Variants in DCAF8L1 observed in about 807,000 individuals in gnomAD.
The protein encoded by DCAF8L1 is DDB1 and CUL4 associated factor 8 like 1.
For synonymous variants in DCAF8L1, 217 were observed against 186.8 expected (o/e 1.16, Z -1.32); for missense variants, 434 against 481.6 (o/e 0.90, Z 0.92).
At position 27,980,349 on chromosome X, in the gene DCAF8L1, C is replaced by G; in HGVS notation, c.986G>C (p.Arg329Thr). The G allele has an allele frequency of 8.3e-7, 1 of 1,211,990 alleles. No homozygotes were observed. The highest frequency in any genetic ancestry group is 1.8e-5 in the South Asian group (1 of 56,994). ...DRPASKVVVTRENDKKVGLYT... is the reference protein window; with the variant it reads ...DRPASKVVVTTENDKKVGLYT... ...CAGTCCGACTTTCTTATCATTTTCT[C>G]TTGTTACCACAACTTTTGAAGCTGG... The change falls in exon 1 of 1, where the codon AGA becomes ACA. Residue 329 changes from arginine to threonine, a missense_variant. Physicochemically the swap from Arg to Thr is moderately conservative, Grantham distance 71 (BLOSUM62 -1). Coordinates refer to ENST00000441525, the MANE Select transcript of DCAF8L1 (RefSeq NM_001017930.2).
At position 27,980,648 on chromosome X, in the gene DCAF8L1, C is replaced by T. The variant is rs1282958190; in HGVS notation, c.687G>A (p.Lys229=). ...GACCACTCTCAAAGTTCAGTACTGG[C>T]TTCTGCCGCACCCAGTCCCACACTA... ...RVIVWDWVRQ[K]PVLNFESGHD... Residue 229 remains lysine (K), a synonymous_variant, in exon 1 of 1, where the codon AAG becomes AAA. Coordinates refer to ENST00000441525, the MANE Select transcript of DCAF8L1 (RefSeq NM_001017930.2). The T allele has an allele frequency of 2.5e-6, 3 of 1,210,789 alleles. No individual in the cohort carries two copies. The African/African-American group carries it at 5.2e-5, about 21-fold the overall frequency.
chrX:27,979,446 A>G lies in DCAF8L1; in HGVS notation c.*86T>C. ...CAGAAGACAAAAAGCAAATCTGTTA[A>G]TCAATTGACAATTCTAAATTAGTCA... On this transcript the variant is annotated 3_prime_UTR_variant, in exon 1 of 1. Coordinates refer to ENST00000441525, the MANE Select transcript of DCAF8L1 (RefSeq NM_001017930.2). The G allele has an allele frequency of 9.1e-7, 1 of 1,102,848 alleles. No homozygotes were observed. The highest frequency in any genetic ancestry group is 1.2e-6 in the Non-Finnish European group (1 of 840,433). The allele number at this position is 1,102,848 out of a possible 1,213,427, so 90.9% of individuals were successfully genotyped here. A position where few individuals can be genotyped will look rare whatever the true frequency, so the allele number is the denominator to read the frequency against.
Position 27,979,224 on chromosome X carries a change from A to C in DCAF8L1, c.*308T>G. ...ATTTTCAACTCAACTGAAGAACTTTATCTTCAAAATAAATTGGTAAAAAAT... is the reference window on the plus strand; with the variant it reads ...ATTTTCAACTCAACTGAAGAACTTTCTCTTCAAAATAAATTGGTAAAAAAT... On this transcript the variant is annotated 3_prime_UTR_variant, in exon 1 of 1. Transcript: ENST00000441525. 3.6e-6 allele frequency: 1 copy of C among 281,335 alleles called. No homozygotes were observed. Among genetic ancestry groups the C allele is most frequent in the Non-Finnish European group, 6.1e-6 (1 of 163,317 alleles). The allele number at this position is 281,335 out of a possible 1,213,427, so 23.2% of individuals were successfully genotyped here.
rs771104433 is a variant in DCAF8L1 at position 27,980,065 on chromosome X, C to T, written c.1270G>A (p.Gly424Ser). 57 of 1,209,327 alleles carry T rather than the reference C, an allele frequency of 4.7e-5. No homozygotes were observed. The highest frequency in any genetic ancestry group is 5.8e-5 in the Non-Finnish European group (52 of 895,135). The part of the protein sequence containing the change: ...IYLFNSSLSD[G>S]AQYVKRYKGH... ...TTATATCTCTTAACATATTGAGCAC[C>T]ATCACTGAGAGAGGAGTTGAAGAGG... Residue 424 changes from glycine to serine, a missense_variant, in exon 1 of 1, where the codon GGT becomes AGT. Coordinates refer to ENST00000441525, the MANE Select transcript of DCAF8L1 (RefSeq NM_001017930.2).
Position 27,980,659 on chromosome X carries a change from C to T in DCAF8L1, c.676G>A (p.Val226Met). 1 of 1,212,051 alleles carries T rather than the reference C, an allele frequency of 8.3e-7. No homozygotes were observed. Among genetic ancestry groups the T allele is most frequent in the East Asian group, 3.0e-5 (1 of 33,809 alleles). ...DDLRVIVWDWVRQKPVLNFES... is the reference protein window; with the variant it reads ...DDLRVIVWDWMRQKPVLNFES... The stretch of plus-strand genomic sequence containing the variant: ...AAGTTCAGTACTGGCTTCTGCCGCA[C>T]CCAGTCCCACACTATCACCCTTAAG... Residue 226 changes from valine to methionine, a missense_variant, in exon 1 of 1, where the codon GTG becomes ATG. Val to Met is a conservative substitution (Grantham distance 21). Transcript: ENST00000441525.
rs1435873044 is a variant in DCAF8L1 at position 27,978,492 on chromosome X, T to G, written c.*1040A>C. On this transcript the variant is annotated 3_prime_UTR_variant, in exon 1 of 1. Transcript: ENST00000441525. ...GATTTTTATATTCCTATCTGGTATC[T>G]TATAGGAGATGCTTGCGCCAGGAGG... 1 of 119,682 alleles carries G rather than the reference T, an allele frequency of 8.4e-6. No homozygotes were observed. The highest frequency in any genetic ancestry group is 3.2e-5 in the African/African-American group (1 of 31,167). 9.9% of individuals were successfully genotyped at this position (119,682 alleles called of 1,213,427 possible). A position where few individuals can be genotyped will look rare whatever the true frequency, so the allele number is the denominator to read the frequency against.
rs766645455 is a variant in DCAF8L1, at chrX:27,979,124, G to A, written c.*408C>T. 3.5e-5 allele frequency: 10 copies of A among 284,342 alleles called. No individual in the cohort carries two copies. Among genetic ancestry groups the A allele is most frequent in the Non-Finnish European group, 6.2e-5 (10 of 160,842 alleles). The allele number at this position is 284,342 out of a possible 1,213,427, so 23.4% of individuals were successfully genotyped here. On this transcript the variant is annotated 3_prime_UTR_variant, in exon 1 of 1. Coordinates refer to ENST00000441525, the MANE Select transcript of DCAF8L1 (RefSeq NM_001017930.2). ...TTCTCTTTTCCTTTTCTGAGACTGT[G>A]TGTATGTGTGTGTCAGTATTCAAAG...
Position 27,980,108 on chromosome X carries a change from G to A in DCAF8L1, c.1227C>T (p.Tyr409=), listed in dbSNP as rs761121424. ...SHDGTELLAS[Y]NDEDIYLFNS... is the part of the protein sequence containing the mutation. The stretch of plus-strand genomic sequence containing the variant: ...TGAAGAGGTAAATATCTTCATCATT[G>A]TAGCTGGCCAGGAGCTCTGTGCCAT... Residue 409 remains tyrosine, a synonymous_variant, in exon 1 of 1, where the codon TAC becomes TAT. Transcript: ENST00000441525. 9.1e-6 allele frequency: 11 copies of A among 1,211,657 alleles called. No individual in the cohort carries two copies. The highest frequency in any genetic ancestry group is 8.9e-6 in the Non-Finnish European group (8 of 895,556).
Position 27,980,436 on chromosome X carries a change from T to C in DCAF8L1, c.899A>G (p.Tyr300Cys), listed in dbSNP as rs1926615065. Reference protein sequence around the residue: ...HELALEPDSPYKFLTSGEDAV... With the variant: ...HELALEPDSPCKFLTSGEDAV... The stretch of plus-strand genomic sequence containing the variant: ...ATCTTCACCTGAAGTGAGGAACTTA[T>C]AAGGAGAGTCTGGCTCCAGAGCCAA... Residue 300 changes from tyrosine to cysteine, a missense_variant, in exon 1 of 1, where the codon TAT becomes TGT. Coordinates refer to ENST00000441525, the MANE Select transcript of DCAF8L1 (RefSeq NM_001017930.2). 3 of 1,212,184 alleles carry C rather than the reference T, an allele frequency of 2.5e-6. No homozygotes were observed. Among genetic ancestry groups the C allele is most frequent in the African/African-American group, 3.5e-5 (2 of 57,917 alleles).
At position 27,978,773 on chromosome X, in the gene DCAF8L1, T is replaced by G. The variant is rs912448147; in HGVS notation, c.*759A>C. On this transcript the variant is annotated 3_prime_UTR_variant, in exon 1 of 1. Coordinates refer to ENST00000441525, the MANE Select transcript of DCAF8L1 (RefSeq NM_001017930.2). Reference sequence around the variant, plus strand: ...CTTGTTTTCCTTTTCTAAGGCTCTGTGTGTATGTGTGTGTGCATAGCTGGC... The same window carrying G: ...CTTGTTTTCCTTTTCTAAGGCTCTGGGTGTATGTGTGTGTGCATAGCTGGC... The G allele has an allele frequency of 2.4e-5, 16 of 666,961 alleles. No homozygotes were observed. Among genetic ancestry groups the G allele is most frequent in the Non-Finnish European group, 3.4e-5 (15 of 435,497 alleles). 55.0% of individuals were successfully genotyped at this position (666,961 alleles called of 1,213,427 possible). A position where few individuals can be genotyped will look rare whatever the true frequency, so the allele number is the denominator to read the frequency against.
chrX:27,981,123 T>C lies in DCAF8L1; in HGVS notation c.212A>G (p.Asp71Gly). 2 of 1,211,587 alleles carry C rather than the reference T, an allele frequency of 1.7e-6. No individual in the cohort carries two copies. The highest frequency in any genetic ancestry group is 3.5e-5 in the South Asian group (2 of 56,984). ...NDASTENQNT[D>G]SESSSEDVEL... ...GACGTCTTCACTTGAACTTTCTGAG[T>C]CTGTGTTTTGATTTTCTGTGCTGGC... Residue 71 changes from aspartate to glycine, a missense_variant, in exon 1 of 1, where the codon GAC becomes GGC. Asp to Gly is a moderately conservative substitution (Grantham distance 94). Coordinates refer to ENST00000441525, the MANE Select transcript of DCAF8L1 (RefSeq NM_001017930.2).
rs186442107 is a variant in DCAF8L1, at chrX:27,978,617, T to C, written c.*915A>G. The C allele has an allele frequency of 1.3e-3, 260 of 207,076 alleles. No individual in the cohort carries two copies. Among genetic ancestry groups the C allele is most frequent in the African/African-American group, 7.0e-3 (241 of 34,565 alleles). 17.1% of individuals were successfully genotyped at this position (207,076 alleles called of 1,213,427 possible). A position where few individuals can be genotyped will look rare whatever the true frequency, so the allele number is the denominator to read the frequency against. On this transcript the variant is annotated 3_prime_UTR_variant, in exon 1 of 1. Transcript: ENST00000441525. ...TGTCATGTGATTAAATTTAATTTAG[T>C]TCTTACCAGCTTCAGTGTGCTCAAA...
In DCAF8L1 at chrX:27,979,517, C is replaced by G. The variant is rs371996661; in HGVS notation, c.*15G>C. 8.6e-7 allele frequency: 1 copy of G among 1,166,124 alleles called. No individual in the cohort carries two copies. Among genetic ancestry groups the G allele is most frequent in the Non-Finnish European group, 1.1e-6 (1 of 871,964 alleles). On this transcript the variant is annotated 3_prime_UTR_variant, in exon 1 of 1. Coordinates refer to ENST00000441525, the MANE Select transcript of DCAF8L1 (RefSeq NM_001017930.2). ...TGTACTTAGGTGGCATCTAGCTGGA[C>G]TGGATATGAGGCCTTCAGGATGGTA... is the stretch of plus-strand genomic sequence containing the variant.
chrX:27,980,889 G>A lies in DCAF8L1; in HGVS notation c.446C>T (p.Ala149Val). 3.3e-6 allele frequency: 4 copies of A among 1,211,606 alleles called. No individual in the cohort carries two copies. The highest frequency in any genetic ancestry group is 4.5e-6 in the Non-Finnish European group (4 of 895,378). The change falls in exon 1 of 1, where the codon GCC (alanine) becomes GTC (valine). Residue 149 changes from alanine (A) to valine (V), a missense_variant. Coordinates refer to ENST00000441525, the MANE Select transcript of DCAF8L1 (RefSeq NM_001017930.2). ...GACTTGCCAGCGAGATCGGGGCAGG[G>A]CAGATGTCTCTGAGGAAATCCACTC... ...LEEWISSETS[A>V]LPRSRWQVLT... is the part of the protein sequence containing the mutation.
Position 27,979,103 on chromosome X carries a change from CTT to C in DCAF8L1, c.*427_*428del. The stretch of plus-strand genomic sequence containing the variant: ...AGGAATTAATCTACACACTACTTCT[CTT>C]TTCCTTTTCTGAGACTGTGTGTATG... On this transcript the variant is annotated 3_prime_UTR_variant, in exon 1 of 1. Coordinates refer to ENST00000441525, the MANE Select transcript of DCAF8L1 (RefSeq NM_001017930.2). The C allele has an allele frequency of 3.3e-6, 1 of 306,791 alleles. No individual in the cohort carries two copies. Among genetic ancestry groups the C allele is most frequent in the East Asian group, 5.5e-5 (1 of 18,267 alleles). 25.3% of individuals were successfully genotyped at this position (306,791 alleles called of 1,213,427 possible). A position where few individuals can be genotyped will look rare whatever the true frequency, so the allele number is the denominator to read the frequency against.
chrX:27,979,650 G>A lies in DCAF8L1; in HGVS notation c.1685C>T (p.Pro562Leu). 1 of 1,211,884 alleles carries A rather than the reference G, an allele frequency of 8.3e-7. No homozygotes were observed. Among genetic ancestry groups the A allele is most frequent in the Non-Finnish European group, 1.1e-6 (1 of 895,563 alleles). Reference sequence around the variant, plus strand: ...CTCAGCTCCATGATCTCTCCAGCCGGGTTGATGAGCTCTCTGTAACAGGTG... The same window carrying A: ...CTCAGCTCCATGATCTCTCCAGCCGAGTTGATGAGCTCTCTGTAACAGGTG... Reference protein sequence around the residue: ...VRHLLQRAHQPGWRDHGAEFP... With the variant: ...VRHLLQRAHQLGWRDHGAEFP... The change falls in exon 1 of 1, where the codon CCC becomes CTC. Residue 562 changes from proline (P) to leucine (L), a missense_variant. Coordinates refer to ENST00000441525, the MANE Select transcript of DCAF8L1 (RefSeq NM_001017930.2).
In DCAF8L1 at chrX:27,980,449, G is replaced by A; in HGVS notation, c.886C>T (p.Pro296Ser). Residue 296 changes from proline (P) to serine (S), a missense_variant, in exon 1 of 1, where the codon CCA (proline) becomes TCA (serine). Coordinates refer to ENST00000441525, the MANE Select transcript of DCAF8L1 (RefSeq NM_001017930.2). ...RGPAHELALE[P>S]DSPYKFLTSG... ...GTGAGGAACTTATAAGGAGAGTCTG[G>A]CTCCAGAGCCAACTCGTGGGCAGGT... The A allele has an allele frequency of 8.3e-7, 1 of 1,212,022 alleles. No homozygotes were observed. Among genetic ancestry groups the A allele is most frequent in the Non-Finnish European group, 1.1e-6 (1 of 895,572 alleles).
At position 27,978,807 on chromosome X, in the gene DCAF8L1, C is replaced by G; in HGVS notation, c.*725G>C. ...GTGTGTGCATAGCTGGCCAGGAGCT[C>G]TGTGCCATCGTGGCTGTACACAATG... On this transcript the variant is annotated 3_prime_UTR_variant, in exon 1 of 1. Transcript: ENST00000441525. 2 of 888,222 alleles carry G rather than the reference C, an allele frequency of 2.3e-6. No individual in the cohort carries two copies. The highest frequency in any genetic ancestry group is 3.2e-6 in the Non-Finnish European group (2 of 617,151). 73.2% of individuals were successfully genotyped at this position (888,222 alleles called of 1,213,427 possible). A position where few individuals can be genotyped will look rare whatever the true frequency, so the allele number is the denominator to read the frequency against.
At position 27,979,578 on chromosome X, in the gene DCAF8L1, G is replaced by A. The variant is rs1472264811; in HGVS notation, c.1757C>T (p.Thr586Ile). The A allele has an allele frequency of 8.3e-7, 1 of 1,210,770 alleles. No homozygotes were observed. ...TCGATCTTGGCCCTCCTCCTCGGAT[G>A]TATCTGAGGTGCTGGAAGACTCATC... Reference protein sequence around the residue: ...ELDESSSTSDTSEEEGQDRVQ... With the variant: ...ELDESSSTSDISEEEGQDRVQ... Residue 586 changes from threonine (T) to isoleucine (I), a missense_variant, in exon 1 of 1, where the codon ACA becomes ATA. By Grantham distance (89) the Thr-to-Ile change is moderately conservative. Transcript: ENST00000441525.
Sources: allele counts gnomAD v4.1 joint callset, GRCh38; gene constraint gnomAD v4.1.1; transcripts MANE v1.5; gene names NCBI Gene and HGNC (gene_info 2026-07-23, HGNC 2026-07-21).